Variants in CLDN10 observed in about 807,000 individuals in gnomAD.
The protein encoded by CLDN10 is claudin-10.
CLDN10 carries 15 observed loss-of-function variants against 22.9 expected under a neutral mutation model. The observed-to-expected ratio is 0.65, with a 90% CI of 0.44 to 1.01. The LOEUF (loss-of-function observed/expected upper bound fraction) is 1.01, where lower values mean the gene tolerates loss of function less well. Among genes scored for constraint, CLDN10 ranks in the 50% least tolerant of loss-of-function variants. The pLI is 0.00. For synonymous variants in CLDN10, 114 were observed against 111.4 expected, an observed-to-expected ratio of 1.02 and a Z score of -0.15; for missense variants, 247 against 287.8, an observed-to-expected ratio of 0.86 and a Z score of 1.03.
At chr13:95,462,652 A>G (rs1490477298) in intron 1 of CLDN10, among the ~76,000 whole-genome samples, 8 of 152,240 alleles carry the variant, frequency 5.3e-5, no homozygotes, top group Non-Finnish European at 1.0e-4. Flanking sequence ...TTTTTAGGCC[A>G]GAACACACAA....
intron 1 of CLDN10, among the ~76,000 whole-genome samples, chr13:95,466,210 T>G (rs2139095450): frequency 6.6e-6 from 1 of 152,206 alleles, no homozygotes; most frequent in African/African-American, 2.4e-5. Flanking sequence ...TGCTATTACT[T>G]TATTGAGGAT....
exon 1 of CLDN10, chr13:95,433,963 T>G: frequency 6.2e-7 from 1 of 1,614,268 alleles, no homozygotes; most frequent in South Asian, 1.1e-5. Context: ...CACTTGGGTT[T>G]ACCAGGGTCT....
chr13:95,555,939 T>G (rs2138649548), intron 1 of CLDN10, among the ~76,000 whole-genome samples: 1 of 152,306 alleles, frequency 6.6e-6, no homozygotes, highest in East Asian at 1.9e-4. Flanking sequence ...GAGCTCTAGA[T>G]TGGGAAGAGA....
In CLDN10 at chr13:95,579,206, T is replaced by TTCTA. The variant is rs1479130198; in HGVS notation, c.*1197_*1200dup. ...CCTCACTCAGAACTGACGGGCCGAGTTCTATCTAGGTGTGTCTTCCAGAAC... is the reference window on the plus strand; with the variant it reads ...CCTCACTCAGAACTGACGGGCCGAGTTCTATCTATCTAGGTGTGTCTTCCAGAAC... On this transcript the variant is annotated 3_prime_UTR_variant, in exon 5 of 5. Transcript: ENST00000299339. 2 of 152,030 alleles carry TTCTA rather than the reference T, an allele frequency of 1.3e-5. No individual in the cohort carries two copies. The highest frequency in any genetic ancestry group is 2.4e-5 in the African/African-American group (1 of 41,388). The allele number at this position is 152,030 out of a possible 1,614,324, so 9.4% of individuals were successfully genotyped here. A position where few individuals can be genotyped will look rare whatever the true frequency, so the allele number is the denominator to read the frequency against.
intron 1 of CLDN10, among the ~76,000 whole-genome samples, chr13:95,558,584 G>T (rs980658204): frequency 1.3e-5 from 2 of 152,276 alleles, no homozygotes; most frequent in South Asian, 2.1e-4. Flanking sequence ...CTTCAAAAAT[G>T]GGTCCAAGGA....
At chr13:95,475,705 G>A (rs1011659806) in intron 1 of CLDN10, among the ~76,000 whole-genome samples, 55 of 152,262 alleles carry the variant, frequency 3.6e-4, no homozygotes, top group African/African-American at 1.2e-3. Flanking sequence ...TCTGGGTGGC[G>A]TCTCAGTGAA....
At chr13:95,462,281 T>G (rs1013336397) in intron 1 of CLDN10, among the ~76,000 whole-genome samples, 2 of 152,206 alleles carry the variant, frequency 1.3e-5, no homozygotes, top group Non-Finnish European at 2.9e-5. Context: ...TGATTTTACC[T>G]TTTTAAACAT....
chr13:95,552,676 C>T (rs1254380005), upstream of CLDN10: 6 of 1,442,340 alleles, frequency 4.2e-6, no homozygotes, highest in Non-Finnish European at 5.5e-6. Context: ...AGGCGGGAGG[C>T]GGAGCCCCGG....
At chr13:95,535,386 G>A (rs538493029) in intron 1 of CLDN10, among the ~76,000 whole-genome samples, 1 of 151,970 alleles carries the variant, frequency 6.6e-6, no homozygotes, top group East Asian at 1.9e-4. Flanking sequence ...TGTGGGCCTG[G>A]AGAGGTGAGA....
Position 95,463,290 on chromosome 13 carries a change from A to ATATAT in CLDN10, c.214+29244_214+29248dup, listed in dbSNP as rs1400522148. Among the ~76,000 whole-genome samples the ATATAT allele has an allele frequency of 4.2e-4, 17 of 40,274 alleles. 1 individual carries two copies. The African/African-American group carries it at 4.3e-3, about 10-fold the overall frequency. The allele number at this position is 40,274 out of a possible 152,430, so 26.4% of individuals were successfully genotyped here. A position where few individuals can be genotyped will look rare whatever the true frequency, so the allele number is the denominator to read the frequency against. ...AGTCAAAAGTGCAAATGCTTAATAT[A>ATATAT]TATATATATATATATATATATATAT... On this transcript the variant is annotated intron_variant, in intron 1 of 4. Coordinates refer to the CLDN10 transcript ENST00000376873.
At chr13:95,500,194 CATT>C in intron 1 of CLDN10, among the ~76,000 whole-genome samples, 1 of 54,074 alleles carries the variant, frequency 1.8e-5, no homozygotes, top group Non-Finnish European at 5.8e-5. Context: ...CTAGAGTCTA[CATT>C]CCATTCTATT....
intron 1 of CLDN10, among the ~76,000 whole-genome samples, chr13:95,458,482 G>C (rs2042504374): frequency 6.6e-6 from 1 of 152,164 alleles, no homozygotes; most frequent in African/African-American, 2.4e-5. Flanking sequence ...CAGTCATGGT[G>C]GAAGGTGAAG....
intron 1 of CLDN10, among the ~76,000 whole-genome samples, chr13:95,514,254 G>T (rs1481511230): frequency 2.0e-5 from 3 of 152,104 alleles, no homozygotes; most frequent in African/African-American, 7.2e-5. Flanking sequence ...GGAAGACCCT[G>T]TCTCAGAAAA....
upstream of CLDN10, among the ~76,000 whole-genome samples, chr13:95,551,189 C>G (rs534061520): frequency 6.6e-6 from 1 of 152,120 alleles, no homozygotes; most frequent in African/African-American, 2.4e-5. Flanking sequence ...GGACTTACTT[C>G]GTGTTCTCAG....
At chr13:95,463,834 T>G (rs3897423) in intron 1 of CLDN10, among the ~76,000 whole-genome samples, 2,349 of 152,120 alleles carry the variant, frequency 0.015, 68 homozygotes, top group African/African-American at 0.053. Context: ...CAAACCCTCT[T>G]TTTTGGACAA....
In CLDN10 at chr13:95,578,499, TG is replaced by T. The variant is rs1187549098; in HGVS notation, c.*486del. On this transcript the variant is annotated 3_prime_UTR_variant, in exon 5 of 5. Coordinates refer to ENST00000299339, the MANE Select transcript of CLDN10 (RefSeq NM_006984.5). ...GGCTGCACACAGGCAAATTCTAGTT[TG>T]TTTTTTTTAAGTATTCTACAACATT... is the stretch of plus-strand genomic sequence containing the variant. 6.6e-6 allele frequency: 1 copy of T among 152,262 alleles called. No homozygotes were observed. The highest frequency in any genetic ancestry group is 2.4e-5 in the African/African-American group (1 of 41,468). 9.4% of individuals were successfully genotyped at this position (152,262 alleles called of 1,614,324 possible).
At chr13:95,536,987 T>G (rs953751195) in intron 1 of CLDN10, among the ~76,000 whole-genome samples, 6 of 152,218 alleles carry the variant, frequency 3.9e-5, no homozygotes, top group African/African-American at 1.2e-4. Flanking sequence ...CCTGTCCTGT[T>G]GTGTGTGTGC....
intron 1 of CLDN10, among the ~76,000 whole-genome samples, chr13:95,508,574 C>A (rs1229726577): frequency 1.3e-5 from 2 of 152,218 alleles, no homozygotes; most frequent in Non-Finnish European, 2.9e-5. Context: ...ATGGTTCTTG[C>A]CATGAGGTAA....
rs994823665 is a variant in CLDN10 at position 95,516,505 on chromosome 13, C to A, written c.215-43627C>A. On this transcript the variant is annotated intron_variant, in intron 1 of 4. Coordinates refer to the CLDN10 transcript ENST00000376873. Reference sequence around the variant, plus strand: ...ACATTGCTTTGTGAATGCTTTCAAGCTTTTTCTATTTTAACTTCCTCTGAA... The same window carrying A: ...ACATTGCTTTGTGAATGCTTTCAAGATTTTTCTATTTTAACTTCCTCTGAA... Among the ~76,000 whole-genome samples the A allele has an allele frequency of 8.1e-5, 12 of 148,464 alleles. No homozygotes were observed. The Admixed American group carries it at 8.2e-4, about 10-fold the overall frequency.
Sources: gnomAD v4.1 joint callset for allele counts (sites outside exome capture counted in the v4.1 genomes callset) on GRCh38, gnomAD v4.1.1 for gene constraint, MANE v1.5 for transcripts, NCBI Gene and HGNC (gene_info 2026-07-23, HGNC 2026-07-21) for gene names.